The following CDH17 variants were observed in gnomAD, a reference collection of about 807,000 sequenced individuals.
CDH17 encodes cadherin-17.
CDH17 carries 67 observed loss-of-function variants against 86.3 expected under a neutral mutation model. The observed-to-expected ratio is 0.78, with a 90% confidence interval of 0.64 to 0.95. The LOEUF (loss-of-function observed/expected upper bound fraction) is 0.95. CDH17 is among the 40% of genes least tolerant of loss of function. The pLI, the probability that CDH17 is intolerant of heterozygous loss-of-function variation, is 0.00. For synonymous variants in CDH17, 367 were observed against 366.4 expected (o/e 1.00, Z -0.02); for missense variants, 993 against 1,017.6 (o/e 0.98, Z 0.33).
intron 1 of CDH17, among the ~76,000 whole-genome samples, chr8:94,215,388 A>T (rs1034870006): frequency 8.5e-5 from 13 of 152,182 alleles, no homozygotes; most frequent in African/African-American, 3.1e-4. Context: ...AAAGTCAGAC[A>T]AAAAAAGCCT....
intron 5 of CDH17, 118 bp from the exon 6 acceptor site, chr8:94,174,378 T>C: frequency 1.1e-6 from 1 of 939,752 alleles, no homozygotes; most frequent in East Asian, 2.5e-5. Context: ...GGTATGACAA[T>C]TCACACCAGT....
At chr8:94,135,544 G>GTGTT (rs1362382431) in intron 15 of CDH17, among the ~76,000 whole-genome samples, 2 of 152,112 alleles carry the variant, frequency 1.3e-5, no homozygotes, top group Non-Finnish European at 2.9e-5. Flanking sequence ...TTGAGTCTAT[G>GTGTT]TGTTTCTCTG....
intron 1 of CDH17, among the ~76,000 whole-genome samples, chr8:94,200,750 A>G (rs1263385755): frequency 2.0e-5 from 3 of 150,834 alleles, no homozygotes; most frequent in Non-Finnish European, 4.4e-5. Flanking sequence ...CTACCACACA[A>G]CAGAAGACAT....
intron 3 of CDH17, among the ~76,000 whole-genome samples, chr8:94,182,909 T>C (rs573995029): frequency 6.6e-6 from 1 of 152,234 alleles, no homozygotes; most frequent in South Asian, 2.1e-4. Flanking sequence ...ACAAGTATTA[T>C]AAGGTTTCAG....
chr8:94,185,276 T>TGC (rs1554589235), intron 3 of CDH17, among the ~76,000 whole-genome samples: 4 of 136,760 alleles, frequency 2.9e-5, no homozygotes, highest in Non-Finnish European at 3.2e-5. Flanking sequence ...CCTACCCCAA[T>TGC]ACACACACAC....
intron 7 of CDH17, among the ~76,000 whole-genome samples, 175 bp downstream of exon 7, chr8:94,173,622 A>G (rs568374154): frequency 7.8e-4 from 119 of 152,336 alleles, no homozygotes; most frequent in African/African-American, 2.6e-3. Context: ...TTGCCTGCCC[A>G]TGATGCATGG....
At chr8:94,205,032 C>A (rs1335809366) in intron 1 of CDH17, among the ~76,000 whole-genome samples, 2 of 152,170 alleles carry the variant, frequency 1.3e-5, no homozygotes, top group Admixed American at 1.3e-4. Context: ...ATAAATAACT[C>A]CCACATGCTT....
intron 9 of CDH17, among the ~76,000 whole-genome samples, chr8:94,169,653 A>C (rs1361657017): frequency 6.6e-6 from 1 of 152,232 alleles, no homozygotes; most frequent in East Asian, 1.9e-4. Context: ...AGAACAAAAC[A>C]GTTCAAGAAA....
At position 94,130,963 on chromosome 8, in the gene CDH17, T is replaced by C; in HGVS notation, c.2197A>G (p.Thr733Ala). Residue 733 changes from threonine (T) to alanine (A), a missense_variant, in exon 16 of 18, where the codon ACA becomes GCA. Physicochemically the swap from Thr to Ala is moderately conservative, Grantham distance 58 (BLOSUM62 0). Transcript: ENST00000027335. ...ACATACTCCCTCTCCTCAAACTCTGTGTGCCTGGTAGACAGTCGGGCATGA... is the reference window on the plus strand; with the variant it reads ...ACATACTCCCTCTCCTCAAACTCTGCGTGCCTGGTAGACAGTCGGGCATGA... ...GTHARLSTRHTEFEEREYVVL... is the reference protein window; with the variant it reads ...GTHARLSTRHAEFEEREYVVL... The C allele has an allele frequency of 6.2e-7, 1 of 1,605,040 alleles. No individual in the cohort carries two copies. Among genetic ancestry groups the C allele is most frequent in the Non-Finnish European group, 8.5e-7 (1 of 1,171,932 alleles).
Position 94,174,746 on chromosome 8 carries a change from C to G in CDH17, c.425-486G>C, listed in dbSNP as rs191551005. ...CTAATTTTCCTTCATATATTTCAAC[C>G]AAACTAGCACATGGCAAGAGAATGA... is the stretch of plus-strand genomic sequence containing the variant. On this transcript the variant is annotated intron_variant, in intron 5 of 17. Transcript: ENST00000027335. Among the ~76,000 whole-genome samples, 456 of 152,210 alleles carry G rather than the reference C, an allele frequency of 3.0e-3. 1 individual carries two copies. Among genetic ancestry groups the G allele is most frequent in the African/African-American group, 0.01 (435 of 41,532 alleles).
intron 5 of CDH17, among the ~76,000 whole-genome samples, chr8:94,175,526 T>C (rs1813355444): frequency 6.6e-6 from 1 of 152,234 alleles, no homozygotes; most frequent in South Asian, 2.1e-4. Context: ...AAATTTCTAA[T>C]ACAGTAAATG....
chr8:94,155,811 G>A (rs1812935408), intron 12 of CDH17, among the ~76,000 whole-genome samples: 1 of 152,212 alleles, frequency 6.6e-6, no homozygotes, highest in African/African-American at 2.4e-5. Flanking sequence ...CTAGAAGGCA[G>A]TGTCAGTGTT....
At position 94,130,857 on chromosome 8, in the gene CDH17, C is replaced by T. The variant is rs374089949; in HGVS notation, c.2284+19G>A. 5 of 1,542,878 alleles carry T rather than the reference C, an allele frequency of 3.2e-6. No individual in the cohort carries two copies. Among genetic ancestry groups the T allele is most frequent in the Non-Finnish European group, 4.5e-6 (5 of 1,115,176 alleles). On this transcript the variant is annotated intron_variant, in intron 16 of 17. Coordinates refer to ENST00000027335, the MANE Select transcript of CDH17 (RefSeq NM_004063.4). ...TGGTGACAGATACTAGCCTGAGTTG[C>T]CTATAGCAGAATATCTACCTGGTAA...
rs78274633 is a variant in CDH17, at chr8:94,216,878, G to C, written c.-21+320C>G. Among the ~76,000 whole-genome samples, 19 of 152,278 alleles carry C rather than the reference G, an allele frequency of 1.2e-4. No individual in the cohort carries two copies. In the East Asian group the frequency reaches 3.7e-3, roughly 29 times the overall value. ...AGCCACTGGGATTGTGATTTGACTG[G>C]TCTTTGGTGAAGCCTGGCAGCAGTC... On this transcript the variant is annotated intron_variant, in intron 1 of 17. Coordinates refer to the CDH17 transcript ENST00000450165.
chr8:94,165,685 CATT>C (rs2130626918), intron 10 of CDH17, 73 bp downstream of exon 10: 1 of 956,504 alleles, frequency 1.0e-6, no homozygotes, highest in East Asian at 2.4e-5. Flanking sequence ...ACATACCAGA[CATT>C]AGCGCAGGAA....
At chr8:94,137,461 A>T (rs973591450) in intron 15 of CDH17, among the ~76,000 whole-genome samples, 9 of 152,160 alleles carry the variant, frequency 5.9e-5, no homozygotes, top group Non-Finnish European at 2.9e-5. Flanking sequence ...ACGGGAGAGA[A>T]TCTCCTTCTC....
At chr8:94,131,417 A>G (rs527925930) in intron 15 of CDH17, among the ~76,000 whole-genome samples, 11 of 152,320 alleles carry the variant, frequency 7.2e-5, no homozygotes, top group African/African-American at 2.4e-4. Context: ...CTTATTTAAC[A>G]TATATTGTTC....
intron 1 of CDH17, chr8:94,202,126 A>T (rs1425453035): frequency 1.9e-5 from 3 of 154,588 alleles, no homozygotes; most frequent in African/African-American, 7.3e-5. Flanking sequence ...TGCTTCTTAA[A>T]GTAGGCATTG....
chr8:94,183,321 T>A (rs77929148), intron 3 of CDH17, among the ~76,000 whole-genome samples: 5,213 of 152,160 alleles, frequency 0.034, 283 homozygotes, highest in African/African-American at 0.12. Flanking sequence ...AGACTTAACG[T>A]TCTCTAATTT....
Sources: allele counts gnomAD v4.1 joint callset (sites outside exome capture counted in the v4.1 genomes callset), GRCh38; gene constraint gnomAD v4.1.1; transcripts MANE v1.5; gene names NCBI Gene and HGNC (gene_info 2026-07-23, HGNC 2026-07-21).